The following DENND1A variants were observed in gnomAD, a reference collection of about 807,000 sequenced individuals.
DENND1A encodes DENN domain containing 1A.
In DENND1A, 51 loss-of-function variants were observed where a neutral mutation model predicts 113.7. That is an observed-to-expected ratio of 0.45 (90% CI 0.36 to 0.57). The LOEUF (loss-of-function observed/expected upper bound fraction) is 0.57, where lower values mean the gene tolerates loss of function less well. Among genes scored for constraint, DENND1A ranks in the 20% least tolerant of loss-of-function variants. DENND1A has a pLI of 0.00. For synonymous variants in DENND1A, 565 were observed against 570.8 expected (o/e 0.99, Z 0.14); for missense variants, 1,258 against 1,395.9 (o/e 0.90, Z 1.57).
intron 2 of DENND1A, among the ~76,000 whole-genome samples, chr9:123,866,868 T>C (rs1328452362): frequency 3.9e-5 from 6 of 152,208 alleles, no homozygotes; most frequent in Non-Finnish European, 8.8e-5. Context: ...CTAAGTCTGT[T>C]TGATTTCAAA....
intron 2 of DENND1A, among the ~76,000 whole-genome samples, chr9:123,804,416 A>AG (rs1835200504): frequency 6.6e-6 from 1 of 152,110 alleles, no homozygotes; most frequent in African/African-American, 2.4e-5. Flanking sequence ...CGGCTTCCAA[A>AG]GCATCCCACT....
At position 123,450,998 on chromosome 9, in the gene DENND1A, G is replaced by A. The variant is rs559008751; in HGVS notation, c.1300-249C>T. On this transcript the variant is annotated intron_variant, in intron 17 of 23. Coordinates refer to ENST00000394215, the MANE Select transcript of DENND1A (RefSeq NM_001352964.2). ...TGGCACAGATTTTTTTTTTCTTTCC[G>A]TTCCAAAGCCCTTCTTCTGCTCTCT... Among the ~76,000 whole-genome samples the A allele has an allele frequency of 8.6e-4, 129 of 150,682 alleles. 1 individual carries two copies. Among genetic ancestry groups the A allele is most frequent in the South Asian group, 5.8e-3 (28 of 4,788 alleles).
chr9:123,807,776 A>G (rs1417603667), intron 2 of DENND1A, among the ~76,000 whole-genome samples: 1 of 152,236 alleles, frequency 6.6e-6, no homozygotes, highest in African/African-American at 2.4e-5. Context: ...TGTGATAAGC[A>G]TAGTCCATGT....
intron 2 of DENND1A, among the ~76,000 whole-genome samples, chr9:123,797,043 A>G (rs1290062885): frequency 6.6e-6 from 1 of 152,184 alleles, no homozygotes; most frequent in African/African-American, 2.4e-5. Flanking sequence ...CATGTTAGGT[A>G]TTCAAGGCAG....
intron 10 of DENND1A, among the ~76,000 whole-genome samples, 166 bp downstream of exon 10, chr9:123,630,204 CTTTTTT>C (rs11324537): frequency 1.1e-5 from 1 of 94,066 alleles, no homozygotes; most frequent in Admixed American, 1.2e-4. Flanking sequence ...CCATGACTGG[CTTTTTT>C]TTTTTTTTTT....
chr9:123,801,218 G>A (rs538211257), intron 2 of DENND1A, among the ~76,000 whole-genome samples: 1 of 152,264 alleles, frequency 6.6e-6, no homozygotes, highest in South Asian at 2.1e-4. Flanking sequence ...GTGACATTGA[G>A]TACATTCACA....
At chr9:123,739,320 C>G (rs1311310897) in intron 5 of DENND1A, among the ~76,000 whole-genome samples, 2 of 152,070 alleles carry the variant, frequency 1.3e-5, no homozygotes, top group Non-Finnish European at 2.9e-5. Context: ...AAATAACAAG[C>G]AGACCCCGGG....
chr9:123,791,168 A>T (rs780489384), intron 3 of DENND1A, among the ~76,000 whole-genome samples: 2 of 152,206 alleles, frequency 1.3e-5, no homozygotes, highest in African/African-American at 2.4e-5. Context: ...AGATCATGGA[A>T]CTACAAAGGT....
intron 3 of DENND1A, 147 bp from the exon 4 acceptor site, chr9:123,769,710 C>A: frequency 1.8e-6 from 1 of 545,520 alleles, no homozygotes; most frequent in Non-Finnish European, 3.1e-6. Context: ...GGGAGGAGTA[C>A]CAGGCAGTCA....
intron 13 of DENND1A, among the ~76,000 whole-genome samples, chr9:123,510,539 C>T (rs1019641785): frequency 6.6e-5 from 10 of 152,198 alleles, no homozygotes; most frequent in Non-Finnish European, 1.0e-4. Flanking sequence ...TCCCATTCTA[C>T]AGGTGAGGAA....
chr9:123,838,393 A>C (rs1348328017), intron 2 of DENND1A, among the ~76,000 whole-genome samples: 1 of 152,164 alleles, frequency 6.6e-6, no homozygotes, highest in African/African-American at 2.4e-5. Flanking sequence ...ATATACATAT[A>C]TATAAAGCAA....
At chr9:123,494,321 C>T (rs1396288162) in intron 13 of DENND1A, among the ~76,000 whole-genome samples, 6 of 152,286 alleles carry the variant, frequency 3.9e-5, no homozygotes, top group Non-Finnish European at 7.3e-5. Context: ...TTTTGCCATT[C>T]CCCGGAAGTC....
chr9:123,429,528 C>A (rs1299482506), intron 19 of DENND1A, among the ~76,000 whole-genome samples: 1 of 152,138 alleles, frequency 6.6e-6, no homozygotes, highest in African/African-American at 2.4e-5. Context: ...GCCCCCCAGC[C>A]TGGGTGACAC....
At chr9:123,734,468 T>A (rs1306583267) in intron 5 of DENND1A, among the ~76,000 whole-genome samples, 1 of 152,168 alleles carries the variant, frequency 6.6e-6, no homozygotes, top group Non-Finnish European at 1.5e-5. Flanking sequence ...ATCCTCAGTG[T>A]CTGCAGTGGA....
chr9:123,642,803 G>A lies in DENND1A; in HGVS notation c.618+9210C>T, dbSNP rs117996279. On this transcript the variant is annotated intron_variant, in intron 9 of 23. Coordinates refer to ENST00000394215, the MANE Select transcript of DENND1A (RefSeq NM_001352964.2). ...CCACTCTCATCTCTGCTTCAAGGGC[G>A]GCAGATAAGCAAACAGGATTAGTGT... 7.7e-3 allele frequency among the ~76,000 whole-genome samples: 1,175 copies of A among 152,290 alleles called. 10 individuals carry two copies. Among genetic ancestry groups the A allele is most frequent in the Non-Finnish European group, 0.013 (854 of 68,020 alleles).
At position 123,758,678 on chromosome 9, in the gene DENND1A, G is replaced by A. The variant is rs974238504; in HGVS notation, c.183-856C>T. Among the ~76,000 whole-genome samples, 5 of 152,004 alleles carry A rather than the reference G, an allele frequency of 3.3e-5. No homozygotes were observed. In the East Asian group the frequency reaches 7.7e-4, roughly 23 times the overall value. On this transcript the variant is annotated intron_variant, in intron 4 of 23. Transcript: ENST00000394215. Reference sequence around the variant, plus strand: ...TGGAAACAACATTTTAAAGAAAGACGTTAAAGGAAAAAAGCTAAAAATATA... The same window carrying A: ...TGGAAACAACATTTTAAAGAAAGACATTAAAGGAAAAAAGCTAAAAATATA...
intron 18 of DENND1A, among the ~76,000 whole-genome samples, chr9:123,440,938 G>A (rs1241494954): frequency 6.6e-6 from 1 of 152,086 alleles, no homozygotes; most frequent in Non-Finnish European, 1.5e-5. Context: ...ATTTCATTGA[G>A]CGGATATACA....
chr9:123,902,539 C>T (rs892272879), intron 1 of DENND1A, among the ~76,000 whole-genome samples: 1 of 152,154 alleles, frequency 6.6e-6, no homozygotes, highest in Non-Finnish European at 1.5e-5. Context: ...ACCCATTCAA[C>T]CACCTGTGGC....
At chr9:123,837,308 A>G (rs990183821) in intron 2 of DENND1A, among the ~76,000 whole-genome samples, 2 of 152,214 alleles carry the variant, frequency 1.3e-5, no homozygotes, top group Admixed American at 6.5e-5. Flanking sequence ...CTTCACAATT[A>G]GCACCCCCTT....
Sources: allele counts gnomAD v4.1 joint callset (sites outside exome capture counted in the v4.1 genomes callset), GRCh38; gene constraint gnomAD v4.1.1; transcripts MANE v1.5; gene names NCBI Gene and HGNC (gene_info 2026-07-23, HGNC 2026-07-21).